UBN2: variants seen among roughly 807,000 people sequenced by gnomAD.
UBN2 encodes ubinuclein 2.
A neutral mutation model predicts 120.2 loss-of-function variants in UBN2; 35 were observed. The observed-to-expected ratio is 0.29, with a 90% CI of 0.22 to 0.39. The LOEUF is 0.39. UBN2 is among the 10% of genes least tolerant of loss of function. The pLI is 1.00. For missense variants in UBN2, 1,693 were observed against 1,663.2 expected, an observed-to-expected ratio of 1.02 and a Z score of -0.31; for synonymous variants, 661 against 648.7, an observed-to-expected ratio of 1.02 and a Z score of -0.29.
At position 139,283,498 on chromosome 7, in the gene UBN2, C is replaced by T. The variant is rs1412658648; in HGVS notation, c.2593C>T (p.Pro865Ser). The change falls in exon 15 of 18, where the codon CCT becomes TCT. Residue 865 changes from proline to serine, a missense_variant. By Grantham distance (74) the Pro-to-Ser change is moderately conservative. This residue lies in a region of UBN2 where 837 missense variants were observed against 817.6 expected (regional missense o/e 1.02). Coordinates refer to ENST00000473989, the MANE Select transcript of UBN2 (RefSeq NM_173569.4). ...GLIAGSSIQN[P>S]KVSLEPLPAR... ...TATTGCTGGTTCTTCCATTCAGAAC[C>T]CTAAAGTTTCTTTAGAACCTTTGCC... 1 of 1,614,106 alleles carries T rather than the reference C, an allele frequency of 6.2e-7. No individual in the cohort carries two copies.
At chr7:139,277,256 G>A (rs1797471401) in intron 12 of UBN2, 2 of 152,042 alleles carry the variant, frequency 1.3e-5, no homozygotes, top group African/African-American at 2.4e-5. Context: ...CATTATTACG[G>A]TTGACCCTTG....
chr7:139,293,715 G>T (rs1031888326), intron 16 of UBN2, 174 bp from the exon 17 acceptor site: 2 of 655,394 alleles, frequency 3.1e-6, no homozygotes, highest in Non-Finnish European at 5.2e-6. Context: ...GTTGTGTTGG[G>T]TTATGTGCAT....
At chr7:139,327,197 C>G in the UBN2 span, among the ~76,000 whole-genome samples, 7 of 152,066 alleles carry the variant, frequency 4.6e-5, no homozygotes, top group African/African-American at 1.7e-4. Flanking sequence ...CCACACCCAG[C>G]TAATTTTGTA....
chr7:139,282,975 A>G, intron 14 of UBN2, 49 bp from the exon 15 acceptor site: 1 of 1,372,126 alleles, frequency 7.3e-7, no homozygotes, highest in Non-Finnish European at 9.7e-7. Flanking sequence ...TAACTTTGTA[A>G]TTTTTTATTC....
chr7:139,272,573 C>A, intron 9 of UBN2, 133 bp downstream of exon 9: 1 of 674,122 alleles, frequency 1.5e-6, no homozygotes, highest in Non-Finnish European at 2.4e-6. Flanking sequence ...GTTGCCCAGG[C>A]TGGAGTGGAA....
chr7:139,293,039 G>C (rs143872256), intron 15 of UBN2, among the ~76,000 whole-genome samples, 193 bp from the exon 16 acceptor site: 13 of 152,144 alleles, frequency 8.5e-5, no homozygotes, highest in African/African-American at 3.1e-4. Flanking sequence ...GAGAGAGTGC[G>C]TGGGTGTTCA....
chr7:139,326,476 T>C, the UBN2 span, among the ~76,000 whole-genome samples: 1 of 152,154 alleles, frequency 6.6e-6, no homozygotes, highest in African/African-American at 2.4e-5. Context: ...CATCACCCTT[T>C]GACAAACTTT....
chr7:139,330,158 C>G, the UBN2 span, among the ~76,000 whole-genome samples: 5 of 152,152 alleles, frequency 3.3e-5, no homozygotes, highest in African/African-American at 1.2e-4. Flanking sequence ...AATTACTTTA[C>G]TTGGAAAAAG....
intron 2 of UBN2, among the ~76,000 whole-genome samples, chr7:139,248,641 C>T (rs1796536726): frequency 6.6e-6 from 1 of 152,096 alleles, no homozygotes; most frequent in Admixed American, 6.5e-5. Context: ...CCTACCTCAT[C>T]TATTTTAACT....
chr7:139,277,716 A>G (rs1396619127), intron 12 of UBN2: 1 of 152,154 alleles, frequency 6.6e-6, no homozygotes, highest in Non-Finnish European at 1.5e-5. Context: ...ACATACGTAT[A>G]TGTTTGTGTC....
chr7:139,269,275 C>T, intron 7 of UBN2, 119 bp from the exon 8 acceptor site: 3 of 950,060 alleles, frequency 3.2e-6, no homozygotes, highest in Non-Finnish European at 4.5e-6. Context: ...ATGAAGAATA[C>T]TGTTTAGGAA....
intron 2 of UBN2, among the ~76,000 whole-genome samples, chr7:139,251,478 C>G (rs1295792596): frequency 6.6e-6 from 1 of 152,180 alleles, no homozygotes; most frequent in Non-Finnish European, 1.5e-5. Context: ...TTAGGTTCAT[C>G]TATACTGTGG....
At chr7:139,284,717 G>C (rs1341748839) in intron 15 of UBN2, 143 bp downstream of exon 15, 15 of 724,508 alleles carry the variant, frequency 2.1e-5, no homozygotes. Flanking sequence ...GAATGTTCCT[G>C]ATGCTGACAT....
At chr7:139,264,717 T>G (rs1481529503) in intron 6 of UBN2, among the ~76,000 whole-genome samples, 1 of 152,092 alleles carries the variant, frequency 6.6e-6, no homozygotes, top group Non-Finnish European at 1.5e-5. Flanking sequence ...GCCTCCCAGG[T>G]AGCTGGGACT....
intron 17 of UBN2, among the ~76,000 whole-genome samples, chr7:139,296,985 G>C (rs748795901): frequency 2.6e-5 from 4 of 152,072 alleles, no homozygotes; most frequent in Non-Finnish European, 5.9e-5. Flanking sequence ...CATGAGGTCA[G>C]GAGTTTGAGA....
At chr7:139,246,239 CCTGCAGTCCCAGCTACTCGGGAGGCTGAG>C (rs1421639980) in intron 2 of UBN2, among the ~76,000 whole-genome samples, 1 of 152,108 alleles carries the variant, frequency 6.6e-6, no homozygotes, top group Non-Finnish European at 1.5e-5. Context: ...GTAGTGCGCA[CCTGCAGTCCCAGCTACTCGGGAGGCTGAG>C]GCAGGAGAAT....
chr7:139,263,100 A>G (rs191602102), intron 6 of UBN2, among the ~76,000 whole-genome samples: 99 of 152,304 alleles, frequency 6.5e-4, no homozygotes, highest in African/African-American at 2.3e-3. Flanking sequence ...AGAAAATGAG[A>G]CATCTCTTTC....
chr7:139,314,233 G>A, the UBN2 span, among the ~76,000 whole-genome samples: 32 of 149,048 alleles, frequency 2.1e-4, no homozygotes, highest in African/African-American at 6.8e-4. Context: ...AAGGCAGGCG[G>A]ATCACAAGGT....
At chr7:139,278,066 G>GT (rs1797496586) in intron 12 of UBN2, among the ~76,000 whole-genome samples, 1 of 152,130 alleles carries the variant, frequency 6.6e-6, no homozygotes, top group African/African-American at 2.4e-5. Context: ...CTGTGGATAA[G>GT]GGGGGCTACT....
Sources: allele counts gnomAD v4.1 joint callset (sites outside exome capture counted in the v4.1 genomes callset), GRCh38; gene constraint gnomAD v4.1.1; regional missense constraint gnomAD v4.1.1; transcripts MANE v1.5; gene names NCBI Gene and HGNC (gene_info 2026-07-23, HGNC 2026-07-21).